GLRB: variants seen among roughly 807,000 people sequenced by gnomAD.
The protein encoded by GLRB is glycine receptor beta.
In GLRB, 33 loss-of-function variants were observed where a neutral mutation model predicts 54.2. That is an observed-to-expected ratio of 0.61 (90% CI 0.46 to 0.81). GLRB has a LOEUF of 0.81. Ranked by LOEUF, GLRB falls within the 40% of genes least tolerant of loss-of-function variation. The pLI, the probability that GLRB is intolerant of heterozygous loss-of-function variation, is 0.00. For missense variants in GLRB, 572 were observed against 584.6 expected, an observed-to-expected ratio of 0.98 and a Z score of 0.22; for synonymous variants, 209 against 208.2, an observed-to-expected ratio of 1.00 and a Z score of -0.03.
chr4:157,139,842 T>C (rs1015218755), intron 7 of GLRB, among the ~76,000 whole-genome samples: 1 of 151,960 alleles, frequency 6.6e-6, no homozygotes, highest in Non-Finnish European at 1.5e-5. Context: ...AATAATAAAA[T>C]ATATATAGTA....
chr4:157,136,930 A>T, intron 6 of GLRB, 44 bp downstream of exon 6: 1 of 1,191,664 alleles, frequency 8.4e-7, no homozygotes, highest in Non-Finnish European at 1.3e-6. Context: ...TAAAGTGTTT[A>T]AAATGTCTGG....
intron 2 of GLRB, among the ~76,000 whole-genome samples, chr4:157,107,083 T>C (rs886158216): frequency 3.4e-4 from 51 of 152,210 alleles, no homozygotes; most frequent in African/African-American, 1.2e-3. Flanking sequence ...GTTGTAATTG[T>C]TTTGGGGTGC....
intron 9 of GLRB, among the ~76,000 whole-genome samples, chr4:157,168,670 A>T (rs1737808160): frequency 1.3e-5 from 2 of 152,114 alleles, no homozygotes; most frequent in South Asian, 4.1e-4. Context: ...TAGTTCCTCA[A>T]TCCCTATTCC....
chr4:157,169,058 A>C (rs963098593), intron 9 of GLRB, among the ~76,000 whole-genome samples: 2 of 152,094 alleles, frequency 1.3e-5, no homozygotes, highest in African/African-American at 4.8e-5. Context: ...ACTGTTGAGG[A>C]AAGATTTGTT....
chr4:157,125,977 A>G (rs943714092), intron 4 of GLRB, among the ~76,000 whole-genome samples: 2 of 151,784 alleles, frequency 1.3e-5, no homozygotes, highest in Admixed American at 1.3e-4. Context: ...AAACCATTCT[A>G]CTTCAGCAGA....
intron 9 of GLRB, among the ~76,000 whole-genome samples, chr4:157,163,355 G>A (rs528898827): frequency 2.3e-4 from 35 of 152,142 alleles, no homozygotes; most frequent in Non-Finnish European, 4.4e-4. Context: ...AGATGAACCC[G>A]GTACCTCAGT....
chr4:157,168,326 C>G (rs1737793379), intron 9 of GLRB, among the ~76,000 whole-genome samples: 2 of 152,112 alleles, frequency 1.3e-5, no homozygotes, highest in Admixed American at 1.3e-4. Context: ...TGGCCTACTT[C>G]TTGACACACA....
At chr4:157,101,173 G>C (rs139852161) in intron 2 of GLRB, among the ~76,000 whole-genome samples, 1 of 152,034 alleles carries the variant, frequency 6.6e-6, no homozygotes, top group South Asian at 2.1e-4. Context: ...ACAGGTGATA[G>C]ATGATATTAA....
At chr4:157,084,334 T>G (rs1360302732) in intron 2 of GLRB, among the ~76,000 whole-genome samples, 1 of 152,162 alleles carries the variant, frequency 6.6e-6, no homozygotes, top group African/African-American at 2.4e-5. Flanking sequence ...TGTTTGAAAG[T>G]TGCATTGGAA....
intron 7 of GLRB, among the ~76,000 whole-genome samples, chr4:157,141,210 C>T (rs1000255246): frequency 2.0e-5 from 3 of 151,928 alleles, no homozygotes; most frequent in Admixed American, 2.0e-4. Context: ...TCATTAGCTA[C>T]AGAAAATAAC....
intron 2 of GLRB, among the ~76,000 whole-genome samples, chr4:157,095,073 T>C (rs1158162089): frequency 1.3e-5 from 2 of 152,168 alleles, no homozygotes; most frequent in African/African-American, 4.8e-5. Context: ...CTACATTGAG[T>C]TGGCTACAGG....
At chr4:157,164,529 A>G (rs900790819) in intron 9 of GLRB, among the ~76,000 whole-genome samples, 1 of 152,172 alleles carries the variant, frequency 6.6e-6, no homozygotes. Flanking sequence ...CAGGTGCTTG[A>G]TTCCTGGTAA....
chr4:157,080,580 G>C (rs1043594227), intron 2 of GLRB, among the ~76,000 whole-genome samples: 1 of 152,180 alleles, frequency 6.6e-6, no homozygotes, highest in African/African-American at 2.4e-5. Context: ...TTAAGAATTT[G>C]AGCTATAATA....
chr4:157,087,934 G>T (rs1208331960), intron 2 of GLRB, among the ~76,000 whole-genome samples: 1 of 152,114 alleles, frequency 6.6e-6, no homozygotes, highest in South Asian at 2.1e-4. Context: ...CTTTATAAAT[G>T]AATTCCTTTA....
At chr4:157,167,376 A>G (rs1737749908) in intron 9 of GLRB, among the ~76,000 whole-genome samples, 2 of 152,180 alleles carry the variant, frequency 1.3e-5, no homozygotes, top group Admixed American at 6.5e-5. Flanking sequence ...CACATTCCTC[A>G]AACTGCACTG....
At chr4:157,168,957 C>A (rs1014551057) in intron 9 of GLRB, among the ~76,000 whole-genome samples, 1 of 151,852 alleles carries the variant, frequency 6.6e-6, no homozygotes, top group Non-Finnish European at 1.5e-5. Context: ...TGCTATCCAC[C>A]TTTGAACACT....
chr4:157,122,179 T>A (rs1735849805), intron 3 of GLRB, 151 bp from the exon 4 acceptor site: 9 of 376,140 alleles, frequency 2.4e-5, no homozygotes, highest in South Asian at 9.7e-5. Context: ...TTAATAGCAA[T>A]TATGAACATG....
intron 2 of GLRB, among the ~76,000 whole-genome samples, chr4:157,110,074 G>C (rs1051587582): frequency 6.6e-6 from 1 of 151,840 alleles, no homozygotes; most frequent in Admixed American, 6.6e-5. Flanking sequence ...CTCCCTGAAG[G>C]TTGCGGGGTG....
At chr4:157,110,606 A>G (rs185584950) in intron 2 of GLRB, among the ~76,000 whole-genome samples, 5 of 152,012 alleles carry the variant, frequency 3.3e-5, no homozygotes, top group East Asian at 3.9e-4. Flanking sequence ...CTGTCAAGTA[A>G]TTCATATATT....
Sources: allele counts gnomAD v4.1 joint callset (sites outside exome capture counted in the v4.1 genomes callset), GRCh38; gene constraint gnomAD v4.1.1; transcripts MANE v1.5; gene names NCBI Gene and HGNC (gene_info 2026-07-23, HGNC 2026-07-21).